The following RALYL variants were observed in gnomAD, a reference collection of about 807,000 sequenced individuals.
The protein encoded by RALYL is RALY RNA binding protein like.
A neutral mutation model predicts 35.1 loss-of-function variants in RALYL; 29 were observed. That is an observed-to-expected ratio of 0.83 (90% CI 0.61 to 1.13). RALYL has a LOEUF of 1.13. Among genes scored for constraint, RALYL ranks in the 50% most tolerant of loss-of-function variants. The pLI, the probability that RALYL is intolerant of heterozygous loss-of-function variation, is 0.00. For missense variants in RALYL, 359 were observed against 360.4 expected (o/e 1.00, Z 0.03); for synonymous variants, 120 against 127.6 (o/e 0.94, Z 0.40).
chr8:84,423,468 A>G (rs1424235420), intron 1 of RALYL, among the ~76,000 whole-genome samples: 1 of 151,996 alleles, frequency 6.6e-6, no homozygotes, highest in Non-Finnish European at 1.5e-5. Context: ...GGTTTTCCTG[A>G]ATACAGCACA....
At chr8:84,349,934 C>T (rs1850575852) in intron 1 of RALYL, among the ~76,000 whole-genome samples, 1 of 150,242 alleles carries the variant, frequency 6.7e-6, no homozygotes, top group Admixed American at 6.6e-5. Flanking sequence ...TATCCAGACA[C>T]CACTGCACAA....
chr8:84,689,538 A>G (rs1262305591), intron 2 of RALYL, among the ~76,000 whole-genome samples: 1 of 152,072 alleles, frequency 6.6e-6, no homozygotes, highest in Non-Finnish European at 1.5e-5. Context: ...CAATAAACAT[A>G]CGTGTGCATG....
intron 1 of RALYL, among the ~76,000 whole-genome samples, chr8:84,203,141 A>C (rs1353127528): frequency 6.6e-6 from 1 of 152,188 alleles, no homozygotes; most frequent in Non-Finnish European, 1.5e-5. Flanking sequence ...ACTTACCATA[A>C]GGAGAGTGTT....
intron 2 of RALYL, among the ~76,000 whole-genome samples, chr8:84,580,744 A>T (rs1231510915): frequency 6.6e-6 from 1 of 152,250 alleles, no homozygotes; most frequent in Admixed American, 6.5e-5. Context: ...ATTACTAAAA[A>T]CATTGCTGCA....
chr8:84,698,151 G>A (rs1396304250), intron 2 of RALYL, among the ~76,000 whole-genome samples: 1 of 151,972 alleles, frequency 6.6e-6, no homozygotes, highest in Admixed American at 6.6e-5. Flanking sequence ...CAAGCTCTTT[G>A]AACTTGGCCC....
intron 1 of RALYL, among the ~76,000 whole-genome samples, chr8:84,390,443 T>A (rs1860377253): frequency 6.6e-6 from 1 of 152,146 alleles, no homozygotes; most frequent in South Asian, 2.1e-4. Flanking sequence ...GTACCTCTGG[T>A]GGAATTCGGC....
At chr8:84,426,436 C>CTGTGTGTGTGTGTG (rs746277761) in intron 1 of RALYL, among the ~76,000 whole-genome samples, 103 of 130,964 alleles carry the variant, frequency 7.9e-4, no homozygotes, top group Middle Eastern at 4.0e-3. Context: ...CTCTCTCTCT[C>CTGTGTGTGTGTGTG]TCTGTGTGTG....
chr8:84,215,129 T>G (rs1820487947), intron 1 of RALYL, among the ~76,000 whole-genome samples: 1 of 151,960 alleles, frequency 6.6e-6, no homozygotes, highest in Non-Finnish European at 1.5e-5. Flanking sequence ...GCCTGGTCCT[T>G]CCTCAGAGTT....
intron 8 of RALYL, among the ~76,000 whole-genome samples, chr8:84,888,777 T>A (rs1273792199): frequency 1.3e-5 from 2 of 152,082 alleles, no homozygotes; most frequent in African/African-American, 4.8e-5. Context: ...TGAGACAGAG[T>A]CTCACTCTGT....
At chr8:84,300,697 G>A (rs1420131989) in intron 1 of RALYL, among the ~76,000 whole-genome samples, 1 of 151,818 alleles carries the variant, frequency 6.6e-6, no homozygotes, top group Non-Finnish European at 1.5e-5. Context: ...TTTGTCTTTT[G>A]TATCATTGTT....
At chr8:84,424,195 C>T (rs1207786521) in intron 1 of RALYL, among the ~76,000 whole-genome samples, 17 of 149,990 alleles carry the variant, frequency 1.1e-4, no homozygotes, top group Admixed American at 4.7e-4. Flanking sequence ...ACCAATCAGA[C>T]GTAGATTTGG....
chr8:84,382,746 C>A (rs1427978013), intron 1 of RALYL, among the ~76,000 whole-genome samples: 1 of 151,542 alleles, frequency 6.6e-6, no homozygotes, highest in African/African-American at 2.4e-5. Flanking sequence ...TAATGTTGAA[C>A]TATTTATGGT....
At chr8:84,730,652 A>G (rs1012795268) in intron 2 of RALYL, among the ~76,000 whole-genome samples, 19 of 137,028 alleles carry the variant, frequency 1.4e-4, no homozygotes, top group Admixed American at 6.9e-5. Context: ...TCTCAGCCCA[A>G]AAACTCTTCA....
intron 1 of RALYL, among the ~76,000 whole-genome samples, chr8:84,367,318 ATTTTTTTTTTTTTTTTTTTT>A (rs56387511): frequency 1.0e-3 from 28 of 27,400 alleles, no homozygotes; most frequent in Non-Finnish European, 1.9e-3. Context: ...TAATTTTTGT[ATTTTTTTTTTTTTTTTTTTT>A]TTTTTTTTTT....
At chr8:84,870,520 A>C (rs1168830077) in intron 6 of RALYL, among the ~76,000 whole-genome samples, 1 of 151,938 alleles carries the variant, frequency 6.6e-6, no homozygotes, top group African/African-American at 2.4e-5. Context: ...GAAAAAGAGC[A>C]AAAGATATTT....
chr8:84,263,139 A>G (rs1832629679), intron 1 of RALYL, among the ~76,000 whole-genome samples: 1 of 152,178 alleles, frequency 6.6e-6, no homozygotes, highest in African/African-American at 2.4e-5. Flanking sequence ...AAGATTAGCT[A>G]TTATTAATTG....
At chr8:84,898,840 T>G (rs1244032966) in intron 8 of RALYL, among the ~76,000 whole-genome samples, 1 of 152,192 alleles carries the variant, frequency 6.6e-6, no homozygotes, top group Non-Finnish European at 1.5e-5. Flanking sequence ...TCCTGAAATT[T>G]CAAGTTACTC....
chr8:84,729,637 C>G (rs988146193), intron 2 of RALYL, among the ~76,000 whole-genome samples: 1 of 151,856 alleles, frequency 6.6e-6, no homozygotes, highest in Non-Finnish European at 1.5e-5. Context: ...AGACCGCTAG[C>G]AAGACTAGTA....
At chr8:84,709,575 G>A (rs1841811257) in intron 2 of RALYL, among the ~76,000 whole-genome samples, 1 of 151,082 alleles carries the variant, frequency 6.6e-6, no homozygotes, top group South Asian at 2.1e-4. Context: ...AAAAACTATA[G>A]TACATGCAGC....
Sources: gnomAD v4.1 joint callset for allele counts (sites outside exome capture counted in the v4.1 genomes callset) on GRCh38, gnomAD v4.1.1 for gene constraint, MANE v1.5 for transcripts, NCBI Gene and HGNC (gene_info 2026-07-23, HGNC 2026-07-21) for gene names.